The following RNF150 variants were observed in gnomAD, a reference collection of about 807,000 sequenced individuals.
The protein encoded by RNF150 is ring finger protein 150.
RNF150 carries 24 observed loss-of-function variants against 39.3 expected under a neutral mutation model. That is an observed-to-expected ratio of 0.61 (90% CI 0.44 to 0.86). RNF150 has a LOEUF of 0.86. Among genes scored for constraint, RNF150 ranks in the 40% least tolerant of loss-of-function variants. RNF150 has a pLI of 0.00. For synonymous variants in RNF150, 255 were observed against 227.3 expected (o/e 1.12, Z -1.10); for missense variants, 502 against 587.8 (o/e 0.85, Z 1.51).
chr4:141,083,297 C>T (rs937193714), intron 1 of RNF150, among the ~76,000 whole-genome samples: 6 of 152,122 alleles, frequency 3.9e-5, no homozygotes, highest in African/African-American at 1.4e-4. Flanking sequence ...CTTTTTTCCC[C>T]TAACAGGAAA....
intron 1 of RNF150, among the ~76,000 whole-genome samples, chr4:141,078,117 CT>C (rs1312509689): frequency 6.6e-6 from 1 of 152,048 alleles, no homozygotes; most frequent in East Asian, 1.9e-4. Flanking sequence ...TCATCATGCT[CT>C]AAAAATGATG....
intron 1 of RNF150, among the ~76,000 whole-genome samples, chr4:141,100,404 C>CT (rs1738963830): frequency 2.0e-5 from 3 of 152,230 alleles, no homozygotes; most frequent in African/African-American, 7.2e-5. Flanking sequence ...AATATTCTTC[C>CT]TTCTACCACA....
intron 1 of RNF150, among the ~76,000 whole-genome samples, chr4:141,116,945 A>G (rs1016393061): frequency 6.6e-6 from 1 of 152,068 alleles, no homozygotes; most frequent in Non-Finnish European, 1.5e-5. Flanking sequence ...GAAGGATGAG[A>G]ACACATGAAC....
At chr4:141,040,205 G>A (rs1287594321) in intron 1 of RNF150, among the ~76,000 whole-genome samples, 2 of 151,940 alleles carry the variant, frequency 1.3e-5, no homozygotes, top group Non-Finnish European at 2.9e-5. Context: ...GCAAAATCAG[G>A]TAAAACCAGT....
chr4:141,010,863 T>C (rs1048941204), intron 1 of RNF150, among the ~76,000 whole-genome samples: 5 of 152,230 alleles, frequency 3.3e-5, no homozygotes, highest in South Asian at 2.1e-4. Flanking sequence ...GGGTTCTGCA[T>C]GGGCTCCTCT....
intron 2 of RNF150, among the ~76,000 whole-genome samples, chr4:140,950,635 C>T (rs1732506050): frequency 6.6e-6 from 1 of 152,184 alleles, no homozygotes. Context: ...CCATCTAACA[C>T]CTGGCCAGCC....
intron 6 of RNF150, among the ~76,000 whole-genome samples, chr4:140,889,143 G>A (rs535580250): frequency 1.6e-4 from 25 of 152,090 alleles, no homozygotes; most frequent in East Asian, 9.7e-4. Context: ...TCAGCCTCTC[G>A]AAGTGCTGGG....
At chr4:141,040,840 T>A (rs1212813491) in intron 1 of RNF150, among the ~76,000 whole-genome samples, 3 of 152,166 alleles carry the variant, frequency 2.0e-5, no homozygotes, top group Non-Finnish European at 2.9e-5. Context: ...GCATTAATTT[T>A]AAAATGTCTA....
At chr4:141,090,862 C>A (rs1416692164) in intron 1 of RNF150, among the ~76,000 whole-genome samples, 2 of 152,146 alleles carry the variant, frequency 1.3e-5, no homozygotes, top group African/African-American at 4.8e-5. Flanking sequence ...AACATCTCCA[C>A]TTTTCCCAAA....
intron 5 of RNF150, among the ~76,000 whole-genome samples, chr4:140,919,672 A>C (rs1731018184): frequency 6.6e-6 from 1 of 150,874 alleles, no homozygotes; most frequent in South Asian, 2.1e-4. Flanking sequence ...TCTTCACAGA[A>C]CTGGAAAAAA....
chr4:141,007,383 T>A (rs898414091), intron 1 of RNF150, among the ~76,000 whole-genome samples: 7 of 152,238 alleles, frequency 4.6e-5, no homozygotes, highest in Admixed American at 3.9e-4. Flanking sequence ...GTTAGATATA[T>A]AACTTTGGCC....
At chr4:141,179,699 GCCCAGAGC>G (rs1410812711) in intron 1 of RNF150, among the ~76,000 whole-genome samples, 4 of 152,150 alleles carry the variant, frequency 2.6e-5, no homozygotes, top group Non-Finnish European at 5.9e-5. Flanking sequence ...ATAGATATCA[GCCCAGAGC>G]CCTCTAGCTG....
chr4:141,183,490 T>C (rs150553803), intron 1 of RNF150, among the ~76,000 whole-genome samples: 71 of 152,230 alleles, frequency 4.7e-4, no homozygotes, highest in African/African-American at 1.5e-3. Flanking sequence ...CCCTAATCAG[T>C]TGATTTTTAA....
chr4:140,949,775 T>G (rs1732473860), intron 2 of RNF150, among the ~76,000 whole-genome samples: 1 of 152,146 alleles, frequency 6.6e-6, no homozygotes, highest in Admixed American at 6.6e-5. Context: ...AAGTGTCATC[T>G]CCTCTTTTTG....
chr4:141,067,501 A>G (rs184382810), intron 1 of RNF150, among the ~76,000 whole-genome samples: 1 of 152,306 alleles, frequency 6.6e-6, no homozygotes, highest in Non-Finnish European at 1.5e-5. Flanking sequence ...AATCAGCCCA[A>G]TATGAAAGAA....
chr4:141,013,293 T>G (rs917411926), intron 1 of RNF150, among the ~76,000 whole-genome samples: 1 of 152,176 alleles, frequency 6.6e-6, no homozygotes, highest in African/African-American at 2.4e-5. Context: ...CATGATACAA[T>G]GATGGTATTT....
intron 1 of RNF150, among the ~76,000 whole-genome samples, chr4:141,003,555 T>G (rs943347169): frequency 1.6e-5 from 2 of 126,480 alleles, no homozygotes. Flanking sequence ...ATTCACCCAA[T>G]CCCTAGCACG....
rs148711810 is a variant in RNF150, at chr4:141,016,332, C to T, written c.485-48459G>A. ...GAAAGCACCTCTCCATAAGACACAC[C>T]CACTTGCACCAAGACAGTTTACCAT... On this transcript the variant is annotated intron_variant, in intron 1 of 6. Transcript: ENST00000515673. Among the ~76,000 whole-genome samples, 487 of 152,272 alleles carry T rather than the reference C, an allele frequency of 3.2e-3. 2 individuals are homozygous for T. The highest frequency in any genetic ancestry group is 0.011 in the African/African-American group (469 of 41,538).
At chr4:140,928,096 T>C (rs1323780095) in intron 4 of RNF150, among the ~76,000 whole-genome samples, 1 of 152,088 alleles carries the variant, frequency 6.6e-6, no homozygotes, top group African/African-American at 2.4e-5. Flanking sequence ...ACAAGTAGTA[T>C]ATACTAAGAA....
Sources: gnomAD v4.1 joint callset for allele counts (sites outside exome capture counted in the v4.1 genomes callset) on GRCh38, gnomAD v4.1.1 for gene constraint, MANE v1.5 for transcripts, NCBI Gene and HGNC (gene_info 2026-07-23, HGNC 2026-07-21) for gene names.